Variants in ARHGEF10L observed in about 807,000 individuals in gnomAD.
ARHGEF10L encodes the protein rho guanine nucleotide exchange factor 10-like protein.
ARHGEF10L carries 69 observed loss-of-function variants against 141.2 expected under a neutral mutation model. The ratio of observed to expected loss-of-function variants is 0.49; its 90% CI spans 0.40 to 0.60. The LOEUF is 0.60. ARHGEF10L is among the 20% of genes least tolerant of loss of function. The pLI is 0.00. For synonymous variants in ARHGEF10L, 711 were observed against 718.5 expected (o/e 0.99, Z 0.17); for missense variants, 1,482 against 1,734.3 (o/e 0.85, Z 2.58).
At chr1:17,638,835 G>T (rs2061167716) in intron 20 of ARHGEF10L, 146 bp downstream of exon 20, 34 of 1,227,030 alleles carry the variant, frequency 2.8e-5, no homozygotes, top group Non-Finnish European at 3.7e-5. Flanking sequence ...GGCCATGTCT[G>T]GGATAGCATC....
intron 27 of ARHGEF10L, among the ~76,000 whole-genome samples, chr1:17,693,228 G>A (rs1461687597): frequency 6.6e-6 from 1 of 152,202 alleles, no homozygotes; most frequent in Non-Finnish European, 1.5e-5. Flanking sequence ...GTGGCTGATG[G>A]CTGTCAAATT....
At chr1:17,589,244 GTTC>G (rs1004852758) in intron 4 of ARHGEF10L, among the ~76,000 whole-genome samples, 10 of 152,314 alleles carry the variant, frequency 6.6e-5, no homozygotes, top group African/African-American at 2.2e-4. Flanking sequence ...TTTTATCACA[GTTC>G]TTCTTTGTCT....
At chr1:17,598,996 T>TCCCCA (rs2080376148) in intron 4 of ARHGEF10L, among the ~76,000 whole-genome samples, 1 of 152,074 alleles carries the variant, frequency 6.6e-6, no homozygotes, top group Non-Finnish European at 1.5e-5. Flanking sequence ...AGGCTCAGTT[T>TCCCCA]CCCCACCTGT....
chr1:17,669,850 G>C (rs1156746350), intron 26 of ARHGEF10L, among the ~76,000 whole-genome samples: 2 of 152,254 alleles, frequency 1.3e-5, no homozygotes, highest in Admixed American at 6.5e-5. Flanking sequence ...TCGGAGTCCA[G>C]TGTGCAGAGA....
At chr1:17,672,299 G>T (rs899817812) in intron 26 of ARHGEF10L, among the ~76,000 whole-genome samples, 1 of 151,718 alleles carries the variant, frequency 6.6e-6, no homozygotes, top group East Asian at 1.9e-4. Context: ...GATGCGGCAT[G>T]AATAATGCAT....
At chr1:17,562,402 G>C (rs796806177) in intron 1 of ARHGEF10L, among the ~76,000 whole-genome samples, 26 of 152,202 alleles carry the variant, frequency 1.7e-4, no homozygotes, top group African/African-American at 6.0e-4. Flanking sequence ...GTGCAACAGA[G>C]TGAGACCTTG....
rs1557886349 is a variant in ARHGEF10L, at chr1:17,635,028, C to T, written c.1927+12C>T. On this transcript the variant is annotated intron_variant, in intron 18 of 28. Transcript: ENST00000361221. ...AGGGCAGGCTCAGAGTGAGTACCCC[C>T]TCTCTGTGCCCTGCGTTCGTCACCC... is the stretch of plus-strand genomic sequence containing the variant. 1 of 1,613,742 alleles carries T rather than the reference C, an allele frequency of 6.2e-7. No homozygotes were observed. Among genetic ancestry groups the T allele is most frequent in the Admixed American group, 1.7e-5 (1 of 59,968 alleles).
Position 17,664,171 on chromosome 1 carries a change from AAGAG to A in ARHGEF10L, c.2861-267_2861-264del, listed in dbSNP as rs754318187. Reference sequence around the variant, plus strand: ...GGAATGAATGAATGGGAGAGAGGGAAAGAGAGAGAGAGGCAGGGAAGGGAAGGGG... The same window carrying A: ...GGAATGAATGAATGGGAGAGAGGGAAAGAGAGAGGCAGGGAAGGGAAGGGG... On this transcript the variant is annotated intron_variant, in intron 25 of 28. Transcript: ENST00000361221. Among the ~76,000 whole-genome samples the A allele has an allele frequency of 2.0e-5, 3 of 151,994 alleles. No homozygotes were observed. The East Asian group carries it at 5.8e-4, about 29-fold the overall frequency.
intron 16 of ARHGEF10L, 58 bp downstream of exon 16, chr1:17,632,524 C>G: frequency 3.7e-6 from 6 of 1,606,850 alleles, no homozygotes; most frequent in Non-Finnish European, 5.1e-6. Context: ...CCATCCCGCC[C>G]TACTCCAGTC....
At chr1:17,541,674 T>C (rs754425472) in intron 1 of ARHGEF10L, among the ~76,000 whole-genome samples, 6 of 151,988 alleles carry the variant, frequency 3.9e-5, no homozygotes, top group Non-Finnish European at 8.8e-5. Context: ...TTACTAAAAA[T>C]GCAAAAATTA....
rs1553181485 is a variant in ARHGEF10L at position 17,588,880 on chromosome 1, G to GTGTGTGTC, written c.257+408_257+409insCTGTGTGT. On this transcript the variant is annotated intron_variant, in intron 4 of 28. Coordinates refer to ENST00000361221, the MANE Select transcript of ARHGEF10L (RefSeq NM_018125.4). ...TGTGTGTGTGTGTGTGTGTGTGTGT[G>GTGTGTGTC]TGTGTGTGTGTGTGTGTGTAGTGGG... Among the ~76,000 whole-genome samples the GTGTGTGTC allele has an allele frequency of 5.8e-3, 432 of 74,528 alleles. 14 individuals are homozygous for GTGTGTGTC. The highest frequency in any genetic ancestry group is 0.02 in the South Asian group (37 of 1,872). 48.9% of individuals were successfully genotyped at this position (74,528 alleles called of 152,430 possible).
intron 22 of ARHGEF10L, among the ~76,000 whole-genome samples, chr1:17,650,769 A>T (rs929485268): frequency 7.6e-5 from 11 of 145,562 alleles, no homozygotes; most frequent in Admixed American, 6.9e-4. Flanking sequence ...ACCTGGAGGG[A>T]GCAGCTCAGA....
At chr1:17,694,769 C>T (rs2065363784) in intron 27 of ARHGEF10L, 1 of 375,918 alleles carries the variant, frequency 2.7e-6, no homozygotes, top group Admixed American at 3.4e-5. Context: ...CCAGTCTTCC[C>T]TGGTTTTGCT....
At chr1:17,657,680 T>G (rs1463730732) in intron 25 of ARHGEF10L, among the ~76,000 whole-genome samples, 1 of 152,184 alleles carries the variant, frequency 6.6e-6, no homozygotes. Flanking sequence ...GCATTTATAG[T>G]TTTTAATTAA....
intron 27 of ARHGEF10L, among the ~76,000 whole-genome samples, chr1:17,691,838 GTCCA>G (rs963476782): frequency 1.3e-5 from 2 of 152,032 alleles, no homozygotes; most frequent in East Asian, 3.9e-4. Flanking sequence ...CCATCCATCT[GTCCA>G]TCCATCCATC....
At chr1:17,670,559 C>T (rs1484238522) in intron 26 of ARHGEF10L, among the ~76,000 whole-genome samples, 3 of 152,230 alleles carry the variant, frequency 2.0e-5, no homozygotes, top group Non-Finnish European at 4.4e-5. Context: ...AGCAGGCCTG[C>T]GGCACATGAG....
chr1:17,619,239 TG>T lies in ARHGEF10L; in HGVS notation c.836-97del. ...CAGGAGCTGCTTGCACCCTAGGACC[TG>T]GGTCCAAGGCTGGTCTAGGGGGGCT... On this transcript the variant is annotated intron_variant, in intron 9 of 28. Coordinates refer to ENST00000361221, the MANE Select transcript of ARHGEF10L (RefSeq NM_018125.4). This position sits in a 1 kb window ranked among gnomAD's most constrained non-coding sequence, Gnocchi z 5.0. 8.4e-7 allele frequency: 1 copy of T among 1,189,046 alleles called. No homozygotes were observed. The highest frequency in any genetic ancestry group is 1.2e-6 in the Non-Finnish European group (1 of 828,596). 73.7% of individuals were successfully genotyped at this position (1,189,046 alleles called of 1,614,324 possible).
chr1:17,526,670 G>A, the ARHGEF10L span, among the ~76,000 whole-genome samples: 4 of 152,158 alleles, frequency 2.6e-5, no homozygotes, highest in African/African-American at 4.8e-5. Context: ...TGGGGAGGCC[G>A]AGGTGGGCAG....
Position 17,580,561 on chromosome 1 carries a change from C to T in ARHGEF10L, c.-35C>T, listed in dbSNP as rs759431689. Reference sequence around the variant, plus strand: ...TGGTCTTCTTTCCACAGGTGTGTAGCTGGGACGGTGCTGGTCTGAGCTGGA... The same window carrying T: ...TGGTCTTCTTTCCACAGGTGTGTAGTTGGGACGGTGCTGGTCTGAGCTGGA... On this transcript the variant is annotated 5_prime_UTR_variant, in exon 2 of 29. Coordinates refer to ENST00000361221, the MANE Select transcript of ARHGEF10L (RefSeq NM_018125.4). The T allele has an allele frequency of 1.3e-5, 21 of 1,614,124 alleles. No homozygotes were observed. The South Asian group carries it at 2.1e-4, about 16-fold the overall frequency.
Sources: gnomAD v4.1 joint callset for allele counts (sites outside exome capture counted in the v4.1 genomes callset) on GRCh38, gnomAD v4.1.1 for gene constraint, Gnocchi (gnomAD v3.1) non-coding constraint, MANE v1.5 for transcripts, NCBI Gene and HGNC (gene_info 2026-07-23, HGNC 2026-07-21) for gene names.